Variants in KAZN observed in about 807,000 individuals in gnomAD.
KAZN encodes the protein kazrin, periplakin interacting protein.
A neutral mutation model predicts 87.4 loss-of-function variants in KAZN; 40 were observed. The ratio of observed to expected loss-of-function variants is 0.46; its 90% CI spans 0.36 to 0.60. The LOEUF (loss-of-function observed/expected upper bound fraction) is 0.60. Ranked by LOEUF, KAZN falls within the 20% of genes least tolerant of loss-of-function variation. The pLI, the probability that KAZN is intolerant of heterozygous loss-of-function variation, is 0.00. For missense variants in KAZN, 898 were observed against 1,073.9 expected, an observed-to-expected ratio of 0.84 and a Z score of 2.29; for synonymous variants, 466 against 458.3, an observed-to-expected ratio of 1.02 and a Z score of -0.22.
At chr1:14,879,475 T>C (rs1464981258) in intron 1 of KAZN, among the ~76,000 whole-genome samples, 1 of 152,176 alleles carries the variant, frequency 6.6e-6, no homozygotes, top group Non-Finnish European at 1.5e-5. Context: ...TAAGATGTTA[T>C]CAACATTATT....
chr1:14,312,814 C>T (rs35511260), intron 2 of KAZN, among the ~76,000 whole-genome samples: 20,136 of 151,954 alleles, frequency 0.13, 2,349 homozygotes, highest in African/African-American at 0.32. Flanking sequence ...AGGAAATGAG[C>T]GTGACCTCTG....
intron 1 of KAZN, among the ~76,000 whole-genome samples, chr1:13,932,740 T>C (rs939962887): frequency 6.6e-6 from 1 of 152,194 alleles, no homozygotes; most frequent in Admixed American, 6.5e-5. Context: ...GAGCTCACAA[T>C]CAATCACTAG....
chr1:14,303,879 A>G (rs1654737472), intron 2 of KAZN, among the ~76,000 whole-genome samples: 1 of 152,220 alleles, frequency 6.6e-6, no homozygotes, highest in Non-Finnish European at 1.5e-5. Context: ...CAATGCAAAT[A>G]TAAGCAATAA....
At chr1:13,973,189 G>A (rs773720784) in intron 1 of KAZN, among the ~76,000 whole-genome samples, 31 of 151,976 alleles carry the variant, frequency 2.0e-4, no homozygotes, top group African/African-American at 5.8e-4. Context: ...GATGTACTAA[G>A]TTCTCCCTTG....
chr1:14,571,928 C>A (rs1674894687), intron 2 of KAZN, among the ~76,000 whole-genome samples: 1 of 152,140 alleles, frequency 6.6e-6, no homozygotes, highest in African/African-American at 2.4e-5. Flanking sequence ...CCAGGAGCAT[C>A]CACCTGGTTC....
chr1:14,533,903 G>C (rs986166903), intron 2 of KAZN, among the ~76,000 whole-genome samples: 1 of 152,144 alleles, frequency 6.6e-6, no homozygotes, highest in African/African-American at 2.4e-5. Context: ...AGGAATCTGA[G>C]GGATTATTAT....
Position 14,906,506 on chromosome 1 carries a change from G to A in KAZN, c.227-54178G>A, listed in dbSNP as rs140919978. Reference sequence around the variant, plus strand: ...TGAGGTGTGGCTGTGACTTGGGGACGCAGCCTCATGCGGAGCGAGTTCACT... The same window carrying A: ...TGAGGTGTGGCTGTGACTTGGGGACACAGCCTCATGCGGAGCGAGTTCACT... On this transcript the variant is annotated intron_variant, in intron 1 of 14. Transcript: ENST00000376030. Among the ~76,000 whole-genome samples the A allele has an allele frequency of 3.0e-3, 451 of 152,028 alleles. 1 individual carries two copies. The highest frequency in any genetic ancestry group is 0.01 in the African/African-American group (427 of 41,452).
At chr1:14,495,245 T>C (rs1669875213) in intron 2 of KAZN, among the ~76,000 whole-genome samples, 1 of 152,154 alleles carries the variant, frequency 6.6e-6, no homozygotes, top group East Asian at 1.9e-4. Flanking sequence ...GGTCAATCAA[T>C]AGACAATTTT....
chr1:14,391,442 CACTCAAGGTAACTT>C (rs1662414818), intron 2 of KAZN: 1 of 152,350 alleles, frequency 6.6e-6, no homozygotes, highest in Non-Finnish European at 1.5e-5. Flanking sequence ...AACCTTAACT[CACTCAAGGTAACTT>C]ACTCCGGGGA....
At chr1:14,182,064 C>G (rs761106708) in intron 2 of KAZN, among the ~76,000 whole-genome samples, 1 of 152,066 alleles carries the variant, frequency 6.6e-6, no homozygotes, top group Admixed American at 6.6e-5. Context: ...CATTAGAGAG[C>G]CTTCATCCTT....
chr1:14,750,077 C>G lies in KAZN; in HGVS notation c.226+150854C>G, dbSNP rs148980460. ...TGAGATACTCCACCAATGTCACTTT[C>G]TTGGTTTTGATACTGTGGTAATGTA... On this transcript the variant is annotated intron_variant, in intron 1 of 14. Coordinates refer to ENST00000376030, the MANE Select transcript of KAZN (RefSeq NM_201628.3). Among the ~76,000 whole-genome samples, 239 of 152,210 alleles carry G rather than the reference C, an allele frequency of 1.6e-3. 1 individual carries two copies. The highest frequency in any genetic ancestry group is 5.1e-3 in the African/African-American group (213 of 41,512).
chr1:15,087,419 G>T (rs1335273546), intron 8 of KAZN, among the ~76,000 whole-genome samples: 9 of 149,070 alleles, frequency 6.0e-5, no homozygotes, highest in Non-Finnish European at 1.2e-4. Context: ...TTTTGACAGG[G>T]TCTTACTCTT....
chr1:14,630,334 T>A (rs1679470473), intron 1 of KAZN, among the ~76,000 whole-genome samples: 1 of 152,150 alleles, frequency 6.6e-6, no homozygotes, highest in South Asian at 2.1e-4. Context: ...ATTTAACTCT[T>A]GAGCTGTTGT....
chr1:14,540,179 G>A (rs1432473948), intron 2 of KAZN, among the ~76,000 whole-genome samples: 4 of 152,274 alleles, frequency 2.6e-5, no homozygotes, highest in East Asian at 1.9e-4. Flanking sequence ...TCAACGTTTC[G>A]CATCAGTGCT....
At chr1:13,993,025 CTTGCTGTGCCCCT>C (rs1255537593) in intron 1 of KAZN, among the ~76,000 whole-genome samples, 7 of 152,206 alleles carry the variant, frequency 4.6e-5, no homozygotes, top group Admixed American at 4.6e-4. Context: ...CATTTCCCTT[CTTGCTGTGCCCCT>C]TTGCTCCAGT....
intron 1 of KAZN, among the ~76,000 whole-genome samples, chr1:14,105,574 C>G (rs902200344): frequency 6.6e-6 from 1 of 152,182 alleles, no homozygotes; most frequent in Non-Finnish European, 1.5e-5. Flanking sequence ...AATGGCTTCA[C>G]CATTCTTGGA....
At chr1:14,081,280 C>G (rs980761316) in intron 1 of KAZN, among the ~76,000 whole-genome samples, 1 of 152,044 alleles carries the variant, frequency 6.6e-6, no homozygotes, top group Non-Finnish European at 1.5e-5. Flanking sequence ...CTTGGGGCCC[C>G]GTTGTTGAAG....
chr1:13,985,452 A>G (rs927777259), intron 1 of KAZN, among the ~76,000 whole-genome samples: 1 of 150,090 alleles, frequency 6.7e-6, no homozygotes, highest in African/African-American at 2.5e-5. Context: ...AAACTATCGC[A>G]AGAACAAAAA....
intron 1 of KAZN, among the ~76,000 whole-genome samples, chr1:14,076,924 G>T (rs908631212): frequency 6.6e-6 from 1 of 152,190 alleles, no homozygotes; most frequent in South Asian, 2.1e-4. Flanking sequence ...TGAGGATGCC[G>T]TTGTGCAGAG....
Sources: allele counts gnomAD v4.1 joint callset (sites outside exome capture counted in the v4.1 genomes callset), GRCh38; gene constraint gnomAD v4.1.1; transcripts MANE v1.5; gene names NCBI Gene and HGNC (gene_info 2026-07-23, HGNC 2026-07-21).